Variants in DNAH9 observed in about 807,000 individuals in gnomAD.
DNAH9 encodes the protein DNAH9 variant protein.
In DNAH9, 345 loss-of-function variants were observed where a neutral mutation model predicts 471.6. The ratio of observed to expected loss-of-function variants is 0.73; its 90% CI spans 0.67 to 0.80. The LOEUF is 0.80. DNAH9 is among the 30% of genes least tolerant of loss of function. The pLI, the probability that DNAH9 is intolerant of heterozygous loss-of-function variation, is 0.00. For missense variants in DNAH9, 5,407 were observed against 5,609.2 expected (o/e 0.96, Z 1.15); for synonymous variants, 2,093 against 2,123.6 (o/e 0.99, Z 0.40).
intron 2 of DNAH9, among the ~76,000 whole-genome samples, chr17:11,610,097 G>A (rs2072602154): frequency 6.6e-6 from 1 of 152,200 alleles, no homozygotes; most frequent in Non-Finnish European, 1.5e-5. Context: ...GCAGGACAAC[G>A]TACTGGCATT....
At chr17:11,771,996 G>A (rs1378989043) in intron 38 of DNAH9, among the ~76,000 whole-genome samples, 5 of 152,144 alleles carry the variant, frequency 3.3e-5, no homozygotes, top group Admixed American at 2.0e-4. Context: ...ATGACACACA[G>A]TAAGTTGGGG....
intron 50 of DNAH9, among the ~76,000 whole-genome samples, chr17:11,864,509 G>C (rs1036728183): frequency 6.6e-6 from 1 of 150,882 alleles, no homozygotes; most frequent in Admixed American, 6.6e-5. Context: ...TTGATTTGGG[G>C]TGGAGAGTTC....
chr17:11,937,316 G>A lies in DNAH9; in HGVS notation c.12490-36G>A. 2 of 1,577,028 alleles carry A rather than the reference G, an allele frequency of 1.3e-6. No individual in the cohort carries two copies. The highest frequency in any genetic ancestry group is 1.7e-6 in the Non-Finnish European group (2 of 1,159,118). ...GTGTGGGAGATGGGAGGTACGTCCT[G>A]GTTTCTTTTTAAGTGAGCTTGCCCT... is the stretch of plus-strand genomic sequence containing the variant. On this transcript the variant is annotated intron_variant, in intron 65 of 68. Transcript: ENST00000262442. This position sits in a 1 kb window ranked among gnomAD's most constrained non-coding sequence, Gnocchi z 4.1.
chr17:11,762,375 C>T (rs1312203954), intron 35 of DNAH9, among the ~76,000 whole-genome samples: 2 of 152,104 alleles, frequency 1.3e-5, no homozygotes, highest in African/African-American at 2.4e-5. Context: ...GTGTGCTCTG[C>T]ATATACATGT....
intron 35 of DNAH9, among the ~76,000 whole-genome samples, chr17:11,762,764 T>TG (rs1967741497): frequency 2.1e-5 from 2 of 94,658 alleles, no homozygotes; most frequent in Non-Finnish European, 4.5e-5. Context: ...GTGCGTTTTT[T>TG]TTTTTGTTTT....
rs1597485228 is a variant in DNAH9 at position 11,692,133 on chromosome 17, G to A, written c.4614+1697G>A. On this transcript the variant is annotated intron_variant, in intron 20 of 68. Transcript: ENST00000262442. ...TTGTTTTTAGGTCTTCTTGGGCAAG[G>A]GGCAGGATCACAGAGGGAAGGAATG... Among the ~76,000 whole-genome samples the A allele has an allele frequency of 1.3e-5, 2 of 152,268 alleles. 1 individual carries two copies. Among genetic ancestry groups the A allele is most frequent in the African/African-American group, 4.8e-5 (2 of 41,564 alleles).
At position 11,736,807 on chromosome 17, in the gene DNAH9, G is replaced by A. The variant is rs553153423; in HGVS notation, c.5815-2073G>A. ...TGAGGTTTCTGGGCTTCGGTGTTTC[G>A]AGAGAGAATGCTGAGTCAGAATGAA... On this transcript the variant is annotated intron_variant, in intron 28 of 68. Coordinates refer to ENST00000262442, the MANE Select transcript of DNAH9 (RefSeq NM_001372.4). Among the ~76,000 whole-genome samples the A allele has an allele frequency of 6.6e-5, 10 of 152,322 alleles. No individual in the cohort carries two copies. In the South Asian group the frequency reaches 1.2e-3, roughly 19 times the overall value.
chr17:11,933,103 T>C (rs1333702489), intron 64 of DNAH9, among the ~76,000 whole-genome samples: 1 of 152,070 alleles, frequency 6.6e-6, no homozygotes, highest in Non-Finnish European at 1.5e-5. Flanking sequence ...GTGACCTCCC[T>C]CCCTAAGTCT....
At chr17:11,872,726 T>C (rs1972323507) in intron 52 of DNAH9, among the ~76,000 whole-genome samples, 2 of 152,036 alleles carry the variant, frequency 1.3e-5, no homozygotes, top group Middle Eastern at 3.2e-3. Context: ...CGAGACCATC[T>C]TGGCTAACAC....
At chr17:11,659,672 G>C (rs1470957643) in intron 14 of DNAH9, among the ~76,000 whole-genome samples, 2 of 152,198 alleles carry the variant, frequency 1.3e-5, no homozygotes, top group African/African-American at 4.8e-5. Context: ...TACGCTTGAT[G>C]CACCACTACC....
chr17:11,848,045 C>T (rs1034510326), intron 49 of DNAH9, among the ~76,000 whole-genome samples: 1 of 152,094 alleles, frequency 6.6e-6, no homozygotes, highest in Non-Finnish European at 1.5e-5. Context: ...GAACTGGAAC[C>T]TCCCCAGCTC....
At chr17:11,826,593 G>A (rs1970503665) in intron 48 of DNAH9, among the ~76,000 whole-genome samples, 1 of 150,374 alleles carries the variant, frequency 6.7e-6, no homozygotes, top group Non-Finnish European at 1.5e-5. Flanking sequence ...CAAGTAGCTG[G>A]GACTACAGGT....
intron 26 of DNAH9, among the ~76,000 whole-genome samples, chr17:11,706,070 T>C (rs2150779582): frequency 6.6e-6 from 1 of 152,266 alleles, no homozygotes. Flanking sequence ...GTATTTTGCT[T>C]TCCAGGCATA....
At chr17:11,844,365 C>A (rs1405416345) in intron 49 of DNAH9, among the ~76,000 whole-genome samples, 1 of 152,022 alleles carries the variant, frequency 6.6e-6, no homozygotes, top group Non-Finnish European at 1.5e-5. Flanking sequence ...ATTATTACAA[C>A]GTGAAGAAAG....
chr17:11,765,002 G>A (rs746180193), intron 36 of DNAH9, among the ~76,000 whole-genome samples: 3 of 152,184 alleles, frequency 2.0e-5, no homozygotes, highest in Admixed American at 1.3e-4. Context: ...AACATGAACT[G>A]TGGATTTGAA....
chr17:11,902,768 G>A lies in DNAH9; in HGVS notation c.11456G>A (p.Gly3819Glu), dbSNP rs1158163415. 1.9e-6 allele frequency: 3 copies of A among 1,613,908 alleles called. No individual in the cohort carries two copies. The highest frequency in any genetic ancestry group is 2.5e-6 in the Non-Finnish European group (3 of 1,179,910). ...EFSNLDRDIE[G>E]SAKSWKKFVE... Reference sequence around the variant, plus strand: ...TCTAATCTGGATCGGGACATAGAGGGATCTGCTAAGAGCTGGAAAAAGTTT... The same window carrying A: ...TCTAATCTGGATCGGGACATAGAGGAATCTGCTAAGAGCTGGAAAAAGTTT... The change falls in exon 60 of 69, where the codon GGA becomes GAA. Residue 3819 changes from glycine to glutamate, a missense_variant. Gly to Glu is a moderately conservative substitution (Grantham distance 98, BLOSUM62 -2). Transcript: ENST00000262442.
At chr17:11,753,076 G>A in intron 33 of DNAH9, 116 bp downstream of exon 33, 2 of 850,916 alleles carry the variant, frequency 2.4e-6, no homozygotes, top group Non-Finnish European at 3.5e-6. Context: ...TCAGAGTAAG[G>A]AACTATCATC....
At chr17:11,821,891 C>A in intron 45 of DNAH9, 29 bp from the exon 46 acceptor site, 1 of 1,596,858 alleles carries the variant, frequency 6.3e-7, no homozygotes, top group Non-Finnish European at 8.5e-7. Context: ...GATGCCAAGG[C>A]TGCCTATCTG....
intron 2 of DNAH9, among the ~76,000 whole-genome samples, chr17:11,609,866 A>G (rs977807016): frequency 1.3e-5 from 2 of 152,252 alleles, no homozygotes; most frequent in African/African-American, 4.8e-5. Flanking sequence ...GGAGGAAATA[A>G]ACTATTTCCT....
Sources: gnomAD v4.1 joint callset for allele counts (sites outside exome capture counted in the v4.1 genomes callset) on GRCh38, gnomAD v4.1.1 for gene constraint, Gnocchi (gnomAD v3.1) non-coding constraint, MANE v1.5 for transcripts, NCBI Gene and HGNC (gene_info 2026-07-23, HGNC 2026-07-21) for gene names.